Variants in ATP8B1 observed in about 807,000 individuals in gnomAD.
The protein encoded by ATP8B1 is phospholipid-transporting ATPase IC.
A neutral mutation model predicts 149.9 loss-of-function variants in ATP8B1; 80 were observed. That is an observed-to-expected ratio of 0.53 (90% confidence interval 0.45 to 0.64). The LOEUF (loss-of-function observed/expected upper bound fraction) is 0.64, where lower values mean the gene tolerates loss of function less well. ATP8B1 is among the 30% of genes least tolerant of loss of function. The probability of loss-of-function intolerance (pLI) is 0.00; values close to 1 mark genes in which losing one functional copy is unlikely to be tolerated. For missense variants in ATP8B1, 1,247 were observed against 1,552.6 expected (o/e 0.80, Z 3.31); for synonymous variants, 536 against 562.8 (o/e 0.95, Z 0.67).
In ATP8B1 at chr18:57,648,851, C is replaced by CT. The variant is rs1382753344; in HGVS notation, c.3532-140dup. The CT allele has an allele frequency of 9.9e-4, 516 of 521,418 alleles. 4 individuals are homozygous for CT. The African/African-American group carries it at 0.013, about 13-fold the overall frequency. 32.3% of individuals were successfully genotyped at this position (521,418 alleles called of 1,614,324 possible). A position where few individuals can be genotyped will look rare whatever the true frequency, so the allele number is the denominator to read the frequency against. On this transcript the variant is annotated intron_variant, in intron 27 of 27. Coordinates refer to ENST00000648908, the MANE Select transcript of ATP8B1 (RefSeq NM_001374385.1). ...TTTGATGCAGGCAGTTCTGTCCCCA[C>CT]TTGTGTGTGTGTGTGTGTGTGTGTG...
intron 1 of ATP8B1, among the ~76,000 whole-genome samples, chr18:57,777,532 G>A (rs1445638748): frequency 6.6e-6 from 1 of 152,064 alleles, no homozygotes; most frequent in Non-Finnish European, 1.5e-5. Context: ...TGGGTAACTG[G>A]GTTAAAAGGA....
chr18:57,662,525 T>C lies in ATP8B1; in HGVS notation c.2376A>G (p.Pro792=). The C allele has an allele frequency of 6.2e-7, 1 of 1,614,052 alleles. No homozygotes were observed. Among genetic ancestry groups the C allele is most frequent in the South Asian group, 1.1e-5 (1 of 91,066 alleles). ...TGATTAAGGCACGGTTTCCACCGGG[T>C]GGAAAAAAAGATTCCTGCACAGGAG... ...FAPPVQESFF[P]PGGNRALIIT... Residue 792 remains proline (P), a synonymous_variant, in exon 21 of 28, where the codon CCA becomes CCG. Transcript: ENST00000648908.
chr18:57,735,930 T>C (rs969042164), intron 1 of ATP8B1, among the ~76,000 whole-genome samples: 1 of 152,144 alleles, frequency 6.6e-6, no homozygotes, highest in Non-Finnish European at 1.5e-5. Context: ...AAGCCCTGCA[T>C]GCATTAGGTA....
chr18:57,784,675 C>T lies in ATP8B1; in HGVS notation c.-26+18323G>A, dbSNP rs927359985. Among the ~76,000 whole-genome samples the T allele has an allele frequency of 5.4e-5, 8 of 146,826 alleles. No individual in the cohort carries two copies. Among genetic ancestry groups the T allele is most frequent in the Non-Finnish European group, 1.2e-4 (8 of 67,994 alleles). ...GGGCATGCAGGAGAGTATTATGAAA[C>T]GTGCAGGAGAGTATTATGAAACGTG... is the stretch of plus-strand genomic sequence containing the variant. On this transcript the variant is annotated intron_variant, in intron 1 of 27. Transcript: ENST00000648908. This position sits in a 1 kb window ranked among gnomAD's most constrained non-coding sequence, Gnocchi z 4.4.
At chr18:57,674,075 C>G (rs1023758819) in intron 16 of ATP8B1, among the ~76,000 whole-genome samples, 2 of 151,756 alleles carry the variant, frequency 1.3e-5, no homozygotes, top group Non-Finnish European at 2.9e-5. Context: ...ACCTGCTGCC[C>G]CAGATTCAGC....
chr18:57,722,618 C>A, intron 2 of ATP8B1, among the ~76,000 whole-genome samples: 1 of 71,586 alleles, frequency 1.4e-5, no homozygotes, highest in Non-Finnish European at 2.8e-5. Context: ...AGTTTACCAA[C>A]CAAAAAGAGT....
chr18:57,766,932 G>A (rs2080216030), intron 1 of ATP8B1, among the ~76,000 whole-genome samples: 1 of 152,206 alleles, frequency 6.6e-6, no homozygotes, highest in Non-Finnish European at 1.5e-5. Flanking sequence ...TCAGACAGGT[G>A]CATGAAAGGG....
At chr18:57,761,100 A>T (rs868642933) in intron 1 of ATP8B1, among the ~76,000 whole-genome samples, 85 of 103,768 alleles carry the variant, frequency 8.2e-4, no homozygotes, top group South Asian at 1.8e-3. Context: ...TAAAATAAAA[A>T]ATAAAATAAA....
In ATP8B1 at chr18:57,667,161, G is replaced by C; in HGVS notation, c.2216C>G (p.Ala739Gly). 6.2e-7 allele frequency: 1 copy of C among 1,609,316 alleles called. No individual in the cohort carries two copies. The change falls in exon 20 of 28, where the codon GCT becomes GGT. Residue 739 changes from alanine (A) to glycine (G), a missense_variant. Transcript: ENST00000648908. ...WVLTGDKKET[A>G]ENIGFACELL... ...TTCACAAGCAAATCCTATATTTTCA[G>C]CAGTTTCTACAATAGAATAAAATTA...
At chr18:57,718,723 A>G (rs892557557) in intron 2 of ATP8B1, among the ~76,000 whole-genome samples, 72 of 152,248 alleles carry the variant, frequency 4.7e-4, no homozygotes, top group Non-Finnish European at 5.9e-5. Flanking sequence ...CAACATACAC[A>G]AATCAATTAA....
At chr18:57,744,913 C>A (rs577797601) in intron 1 of ATP8B1, among the ~76,000 whole-genome samples, 1 of 152,242 alleles carries the variant, frequency 6.6e-6, no homozygotes. Context: ...TCCAGACTCA[C>A]TAGGAATGGC....
At chr18:57,751,467 A>AAG (rs1555653178) in intron 1 of ATP8B1, among the ~76,000 whole-genome samples, 13 of 148,442 alleles carry the variant, frequency 8.8e-5, no homozygotes, top group African/African-American at 2.4e-4. Flanking sequence ...AAAAAAAAAA[A>AAG]GGGAATTTAT....
In ATP8B1 at chr18:57,661,480, GA is replaced by G. The variant is rs1407753121; in HGVS notation, c.2419-19del. The stretch of plus-strand genomic sequence containing the variant: ...ATTTCATTCTGTGAAATCAGAGAGG[GA>G]AAAGGTTACATTCACTTTAGTTTTA... On this transcript the variant is annotated intron_variant, in intron 21 of 27. Transcript: ENST00000648908. The G allele has an allele frequency of 1.9e-6, 3 of 1,612,242 alleles. No homozygotes were observed. The highest frequency in any genetic ancestry group is 1.3e-5 in the African/African-American group (1 of 74,784).
At chr18:57,798,980 C>T (rs1323264969) in intron 1 of ATP8B1, among the ~76,000 whole-genome samples, 1 of 152,332 alleles carries the variant, frequency 6.6e-6, no homozygotes, top group East Asian at 1.9e-4. Flanking sequence ...AAGGCAATGG[C>T]TGGGTGAGTG....
At chr18:57,683,286 T>A (rs563003835) in intron 15 of ATP8B1, among the ~76,000 whole-genome samples, 42 of 152,306 alleles carry the variant, frequency 2.8e-4, no homozygotes, top group African/African-American at 1.0e-3. Context: ...GGGAATGAAG[T>A]GAAGGCAGAC....
At chr18:57,662,016 C>CTA (rs924020798) in intron 21 of ATP8B1, among the ~76,000 whole-genome samples, 91 of 152,134 alleles carry the variant, frequency 6.0e-4, no homozygotes, top group African/African-American at 2.1e-3. Context: ...CTGTGCTCAG[C>CTA]TATATATATA....
At chr18:57,717,743 G>GT (rs1340466722) in intron 2 of ATP8B1, among the ~76,000 whole-genome samples, 17 of 149,448 alleles carry the variant, frequency 1.1e-4, no homozygotes, top group Middle Eastern at 3.4e-3. Context: ...GTTTGGTTTG[G>GT]TTTTTTTTTG....
intron 2 of ATP8B1, among the ~76,000 whole-genome samples, chr18:57,731,198 C>T (rs1267922750): frequency 6.6e-6 from 1 of 151,832 alleles, no homozygotes; most frequent in Non-Finnish European, 1.5e-5. Flanking sequence ...TCCAGCTACT[C>T]AGGAGGCTGA....
chr18:57,693,395 A>C (rs1299655644), intron 11 of ATP8B1, among the ~76,000 whole-genome samples: 1 of 152,010 alleles, frequency 6.6e-6, no homozygotes, highest in East Asian at 1.9e-4. Context: ...TTTCCCAGTT[A>C]TTTTTTATTC....
Sources: allele counts gnomAD v4.1 joint callset (sites outside exome capture counted in the v4.1 genomes callset), GRCh38; gene constraint gnomAD v4.1.1; non-coding constraint Gnocchi (gnomAD v3.1); transcripts MANE v1.5; gene names NCBI Gene and HGNC (gene_info 2026-07-23, HGNC 2026-07-21).